The following LETMD1 variants were observed in gnomAD, a reference collection of about 807,000 sequenced individuals.
LETMD1 encodes LETM1 domain-containing protein 1.
LETMD1 carries 30 observed loss-of-function variants against 43.9 expected under a neutral mutation model. The observed-to-expected ratio is 0.68, with a 90% CI of 0.51 to 0.93. The LOEUF (loss-of-function observed/expected upper bound fraction) is 0.93. Among genes scored for constraint, LETMD1 ranks in the 40% least tolerant of loss-of-function variants. The pLI, the probability that LETMD1 is intolerant of heterozygous loss-of-function variation, is 0.00. For synonymous variants in LETMD1, 176 were observed against 163.1 expected, an observed-to-expected ratio of 1.08 and a Z score of -0.60; for missense variants, 413 against 447.7, an observed-to-expected ratio of 0.92 and a Z score of 0.70.
At chr12:51,058,168 T>A in intron 8 of LETMD1, 40 bp downstream of exon 8, 1 of 1,284,414 alleles carries the variant, frequency 7.8e-7, no homozygotes, top group East Asian at 2.3e-5. Flanking sequence ...AAAATCCAAG[T>A]CACTTTTGTA....
intron 2 of LETMD1, 111 bp from the exon 3 acceptor site, chr12:51,051,981 C>A (rs549759678): frequency 1.9e-5 from 17 of 879,234 alleles, no homozygotes; most frequent in South Asian, 9.8e-5. Flanking sequence ...CTTTGAGTAT[C>A]GTTGGGGAGG....
intron 7 of LETMD1, chr12:51,056,875 C>G (rs1947885418): frequency 5.5e-6 from 1 of 181,526 alleles, no homozygotes; most frequent in Non-Finnish European, 1.1e-5. Flanking sequence ...TGATCTCAAA[C>G]CCCTGGCCTC....
chr12:51,053,103 ACT>A (rs1045007767), intron 3 of LETMD1, among the ~76,000 whole-genome samples: 35 of 130,036 alleles, frequency 2.7e-4, no homozygotes, highest in African/African-American at 9.2e-4. Flanking sequence ...TAAGAGCAAA[ACT>A]CTGTCTCAAA....
intron 4 of LETMD1, among the ~76,000 whole-genome samples, chr12:51,054,079 A>G (rs922240413): frequency 3.3e-5 from 5 of 151,920 alleles, no homozygotes; most frequent in African/African-American, 9.7e-5. Flanking sequence ...GACTCTCCCT[A>G]TCTCTTAGCT....
downstream of LETMD1, chr12:51,064,262 G>A (rs145581749): frequency 8.1e-6 from 13 of 1,613,060 alleles, no homozygotes; most frequent in African/African-American, 1.5e-4. Flanking sequence ...TAAGGCCTGG[G>A]CACAGCTCTT....
chr12:51,067,491 G>A, the LETMD1 span, among the ~76,000 whole-genome samples: 1 of 152,174 alleles, frequency 6.6e-6, no homozygotes, highest in Non-Finnish European at 1.5e-5. The surrounding 1 kb of genome is among the most constrained non-coding windows in gnomAD (Gnocchi z 4.1). Flanking sequence ...AGAGGTGTGA[G>A]CCACCATGCC....
At chr12:51,064,226 C>T (rs893974435), downstream of LETMD1, 5 of 1,613,576 alleles carry the variant, frequency 3.1e-6, no homozygotes, top group African/African-American at 6.7e-5. Flanking sequence ...CTGGGGGCAG[C>T]TGAGCCTGGA....
the LETMD1 span, chr12:51,067,619 C>G: frequency 6.4e-7 from 1 of 1,558,916 alleles, no homozygotes; most frequent in Non-Finnish European, 8.7e-7. The surrounding 1 kb of genome is among the most constrained non-coding windows in gnomAD (Gnocchi z 4.1). Context: ...GCACCCACAC[C>G]TCACCCCGCT....
At chr12:51,067,527 G>A in the LETMD1 span, 1 of 729,192 alleles carries the variant, frequency 1.4e-6, no homozygotes, top group Non-Finnish European at 2.2e-6. This position sits in a 1 kb window ranked among gnomAD's most constrained non-coding sequence, Gnocchi z 4.1. Flanking sequence ...TGCTTACTCT[G>A]TTGACGGAGG....
At chr12:51,051,579 C>A (rs112716732) in intron 2 of LETMD1, among the ~76,000 whole-genome samples, 1 of 151,706 alleles carries the variant, frequency 6.6e-6, no homozygotes, top group Non-Finnish European at 1.5e-5. Context: ...TGGTGGCACA[C>A]GCCTGTAATC....
chr12:51,063,658 C>G (rs1937796903), downstream of LETMD1: 2 of 1,031,002 alleles, frequency 1.9e-6, no homozygotes, highest in Non-Finnish European at 2.7e-6. Context: ...GGAGCAGCAG[C>G]TGCTTCTACA....
downstream of LETMD1, among the ~76,000 whole-genome samples, chr12:51,064,866 C>T (rs915065505): frequency 9.9e-5 from 15 of 152,166 alleles, no homozygotes; most frequent in Non-Finnish European, 1.6e-4. Context: ...GCATTTCAAT[C>T]CCAGCTCAGC....
chr12:51,066,183 G>A, the LETMD1 span, among the ~76,000 whole-genome samples: 2 of 152,088 alleles, frequency 1.3e-5, no homozygotes, highest in African/African-American at 2.4e-5. Flanking sequence ...GGCCAGGTGC[G>A]GTGGCTCACG....
Position 51,048,366 on chromosome 12 carries a change from T to C in LETMD1, c.10T>C (p.Ser4Pro), listed in dbSNP as rs141650005. The part of the protein sequence containing the change: MAL[S>P]RVCWARSAVW... ...TTCTCTCGCTGTGAAGATGGCGCTC[T>C]CCAGGGTGTGCTGGGCTCGGTCGGC... The change falls in exon 1 of 9, where the codon TCC becomes CCC. Residue 4 changes from serine to proline, a missense_variant. Ser to Pro is a moderately conservative substitution (Grantham distance 74). Coordinates refer to ENST00000262055, the MANE Select transcript of LETMD1 (RefSeq NM_015416.5). 3 of 1,613,986 alleles carry C rather than the reference T, an allele frequency of 1.9e-6. No individual in the cohort carries two copies. Among genetic ancestry groups the C allele is most frequent in the East Asian group, 4.5e-5 (2 of 44,888 alleles).
chr12:51,056,670 T>C (rs980703423), intron 7 of LETMD1, 168 bp downstream of exon 7: 8 of 568,570 alleles, frequency 1.4e-5, no homozygotes, highest in Non-Finnish European at 2.3e-5. Flanking sequence ...ATTTATTTAT[T>C]TTGAGACAGA....
rs1194121049 is a variant in LETMD1, at chr12:51,060,044, A to C, written c.*613A>C. The C allele has an allele frequency of 6.5e-6, 1 of 152,918 alleles. No homozygotes were observed. The highest frequency in any genetic ancestry group is 1.9e-4 in the East Asian group (1 of 5,206). 9.5% of individuals were successfully genotyped at this position (152,918 alleles called of 1,614,324 possible). ...CTTTTTCTGATGGGTAACTTGCAGG[A>C]ATATTCTATTGGAAAAGATAACAGG... On this transcript the variant is annotated 3_prime_UTR_variant, in exon 9 of 9. Coordinates refer to ENST00000262055, the MANE Select transcript of LETMD1 (RefSeq NM_015416.5).
At chr12:51,048,933 T>G (rs1945138879) in intron 1 of LETMD1, 101 bp from the exon 2 acceptor site, 1 of 1,138,128 alleles carries the variant, frequency 8.8e-7, no homozygotes, top group East Asian at 2.4e-5. Flanking sequence ...TGTCAAGCCT[T>G]GGGATACAAT....
chr12:51,051,296 C>T (rs1052970944), intron 2 of LETMD1, among the ~76,000 whole-genome samples: 3 of 149,924 alleles, frequency 2.0e-5, no homozygotes, highest in African/African-American at 7.4e-5. Context: ...CCCAGCTACT[C>T]GGAAGGCTGA....
In LETMD1 at chr12:51,048,360, G is replaced by A; in HGVS notation, c.4G>A (p.Ala2Thr). 1 of 1,614,080 alleles carries A rather than the reference G, an allele frequency of 6.2e-7. No homozygotes were observed. Among genetic ancestry groups the A allele is most frequent in the Non-Finnish European group, 8.5e-7 (1 of 1,180,006 alleles). Residue 2 changes from alanine to threonine, a missense_variant, in exon 1 of 9, where the codon GCG becomes ACG. Coordinates refer to ENST00000262055, the MANE Select transcript of LETMD1 (RefSeq NM_015416.5). ...TCCCGCTTCTCTCGCTGTGAAGATG[G>A]CGCTCTCCAGGGTGTGCTGGGCTCG... MALSRVCWARSA... is the reference protein window; with the variant it reads MTLSRVCWARSA...
Sources: allele counts gnomAD v4.1 joint callset (sites outside exome capture counted in the v4.1 genomes callset), GRCh38; gene constraint gnomAD v4.1.1; non-coding constraint Gnocchi (gnomAD v3.1); transcripts MANE v1.5; gene names NCBI Gene and HGNC (gene_info 2026-07-23, HGNC 2026-07-21).